Variants in IFFO2 observed in about 807,000 individuals in gnomAD.
IFFO2 encodes intermediate filament family orphan 2.
A neutral mutation model predicts 53.5 loss-of-function variants in IFFO2; 19 were observed. The ratio of observed to expected loss-of-function variants is 0.36; its 90% CI spans 0.25 to 0.52. IFFO2 has a LOEUF of 0.52. Ranked by LOEUF, IFFO2 falls within the 20% of genes least tolerant of loss-of-function variation. IFFO2 has a pLI of 0.94. For synonymous variants in IFFO2, 303 were observed against 313.6 expected (o/e 0.97, Z 0.36); for missense variants, 570 against 727.4 (o/e 0.78, Z 2.49).
At position 18,918,522 on chromosome 1, in the gene IFFO2, G is replaced by T. The variant is rs959525265; in HGVS notation, c.823-20C>A. ...CATGGGCTGCAGGGAGGACAGCAGGGTTTACATGAGCGAGGGATGGAGCAA... is the reference window on the plus strand; with the variant it reads ...CATGGGCTGCAGGGAGGACAGCAGGTTTTACATGAGCGAGGGATGGAGCAA... On this transcript the variant is annotated intron_variant, in intron 3 of 8. Transcript: ENST00000455833. This position sits in a 1 kb window ranked among gnomAD's most constrained non-coding sequence, Gnocchi z 5.2. The T allele has an allele frequency of 6.4e-7, 1 of 1,551,310 alleles. No individual in the cohort carries two copies. The highest frequency in any genetic ancestry group is 8.7e-7 in the Non-Finnish European group (1 of 1,146,516).
chr1:18,940,107 C>G (rs1385310004), intron 1 of IFFO2, among the ~76,000 whole-genome samples: 1 of 152,180 alleles, frequency 6.6e-6, no homozygotes, highest in African/African-American at 2.4e-5. Flanking sequence ...CAAGCTTGGC[C>G]CCAGTCTGGG....
intron 1 of IFFO2, among the ~76,000 whole-genome samples, chr1:18,937,052 A>G (rs941547588): frequency 6.6e-6 from 1 of 151,726 alleles, no homozygotes. Context: ...CAGAGGTGGG[A>G]GGTGATATGT....
intron 1 of IFFO2, among the ~76,000 whole-genome samples, chr1:18,926,053 A>G (rs71512943): frequency 3.2e-3 from 36 of 11,376 alleles, no homozygotes; most frequent in Non-Finnish European, 4.5e-3. Flanking sequence ...GGATGGATGG[A>G]TTGGTTGGAT....
chr1:18,926,102 ATTGGTTG>A (rs1936292103), intron 1 of IFFO2, among the ~76,000 whole-genome samples: 4 of 44,062 alleles, frequency 9.1e-5, no homozygotes, highest in African/African-American at 4.3e-4. Flanking sequence ...GGATGGATGG[ATTGGTTG>A]GATGGATAGA....
Position 18,916,610 on chromosome 1 carries a change from T to A in IFFO2, c.1103+293A>T, listed in dbSNP as rs1358909195. On this transcript the variant is annotated intron_variant, in intron 5 of 8. Coordinates refer to ENST00000455833, the MANE Select transcript of IFFO2 (RefSeq NM_001136265.2). The surrounding 1 kb of genome is among the most constrained non-coding windows in gnomAD (Gnocchi z 4.3). ...GTGAGACCCTGTCTCTACAAAAAAATTTAAAAATTAGCTGGGCATGGTGGC... is the reference window on the plus strand; with the variant it reads ...GTGAGACCCTGTCTCTACAAAAAAAATTAAAAATTAGCTGGGCATGGTGGC... Among the ~76,000 whole-genome samples, 2 of 151,830 alleles carry A rather than the reference T, an allele frequency of 1.3e-5. No homozygotes were observed. Among genetic ancestry groups the A allele is most frequent in the Non-Finnish European group, 2.9e-5 (2 of 67,952 alleles).
At position 18,919,664 on chromosome 1, in the gene IFFO2, C is replaced by T. The variant is rs942783618; in HGVS notation, c.822+14G>A. The T allele has an allele frequency of 3.2e-6, 5 of 1,539,342 alleles. No individual in the cohort carries two copies. The highest frequency in any genetic ancestry group is 2.7e-5 in the African/African-American group (2 of 72,744). Reference sequence around the variant, plus strand: ...GGGAGGTCATGACACCCAGGGGCGGCGGGCGGCACTTACGTCACTCATAAG... The same window carrying T: ...GGGAGGTCATGACACCCAGGGGCGGTGGGCGGCACTTACGTCACTCATAAG... On this transcript the variant is annotated intron_variant, in intron 3 of 8. Coordinates refer to ENST00000455833, the MANE Select transcript of IFFO2 (RefSeq NM_001136265.2). This position sits in a 1 kb window ranked among gnomAD's most constrained non-coding sequence, Gnocchi z 4.9.
At position 18,916,421 on chromosome 1, in the gene IFFO2, G is replaced by A. The variant is rs994010282; in HGVS notation, c.1103+482C>T. 2.6e-5 allele frequency among the ~76,000 whole-genome samples: 4 copies of A among 152,146 alleles called. No homozygotes were observed. Among genetic ancestry groups the A allele is most frequent in the Non-Finnish European group, 4.4e-5 (3 of 68,038 alleles). On this transcript the variant is annotated intron_variant, in intron 5 of 8. Transcript: ENST00000455833. This position sits in a 1 kb window ranked among gnomAD's most constrained non-coding sequence, Gnocchi z 4.3. The stretch of plus-strand genomic sequence containing the variant: ...AGGCTCAGCAATGCCTGACCTCCTC[G>A]AGCTTCCAAGAGAGGCTGAACATAT...
At chr1:18,940,690 T>TC (rs907896689) in intron 1 of IFFO2, among the ~76,000 whole-genome samples, 15 of 152,080 alleles carry the variant, frequency 9.9e-5, no homozygotes, top group Non-Finnish European at 2.2e-4. Flanking sequence ...GTCCTAGGTG[T>TC]CCCCTGGGAT....
At position 18,955,960 on chromosome 1, in the gene IFFO2, G is replaced by T; in HGVS notation, c.373C>A (p.Leu125Ile). ...RPPAPGGGHG[L>I]SSGAAAGANA... ...GCGCCGGCCGCCGCGCCACTGCTGAGGCCGTGCCCGCCGCCGGGCGCCGGG... is the reference window on the plus strand; with the variant it reads ...GCGCCGGCCGCCGCGCCACTGCTGATGCCGTGCCCGCCGCCGGGCGCCGGG... Residue 125 changes from leucine (L) to isoleucine (I), a missense_variant, in exon 1 of 9, where the codon CTC (leucine) becomes ATC (isoleucine). By Grantham distance (5) the Leu-to-Ile change is conservative. Coordinates refer to ENST00000455833, the MANE Select transcript of IFFO2 (RefSeq NM_001136265.2). The T allele has an allele frequency of 1.5e-6, 2 of 1,319,844 alleles. No individual in the cohort carries two copies. The highest frequency in any genetic ancestry group is 1.9e-6 in the Non-Finnish European group (2 of 1,030,786). 81.8% of individuals were successfully genotyped at this position (1,319,844 alleles called of 1,614,324 possible).
Position 18,936,963 on chromosome 1 carries a change from A to AG in IFFO2, c.666-15843_666-15842insC, listed in dbSNP as rs897245594. Among the ~76,000 whole-genome samples the AG allele has an allele frequency of 6.6e-6, 1 of 151,756 alleles. No homozygotes were observed. The highest frequency in any genetic ancestry group is 2.4e-5 in the African/African-American group (1 of 41,292). On this transcript the variant is annotated intron_variant, in intron 1 of 8. Coordinates refer to ENST00000455833, the MANE Select transcript of IFFO2 (RefSeq NM_001136265.2). This position sits in a 1 kb window ranked among gnomAD's most constrained non-coding sequence, Gnocchi z 4.5. ...ACTGGCTGCAGGTGGGGCAAAAAAA[A>AG]AAAAAAAGCACAGAACACAGGATCC...
intron 1 of IFFO2, among the ~76,000 whole-genome samples, chr1:18,938,384 A>C (rs1198584425): frequency 6.6e-6 from 1 of 152,214 alleles, no homozygotes; most frequent in Admixed American, 6.5e-5. Context: ...TACAGCGTCC[A>C]GGGCCCCGGG....
In IFFO2 at chr1:18,919,842, T is replaced by A; in HGVS notation, c.727-69A>T. 9.0e-7 allele frequency: 1 copy of A among 1,116,624 alleles called. No homozygotes were observed. 69.2% of individuals were successfully genotyped at this position (1,116,624 alleles called of 1,614,324 possible). A position where few individuals can be genotyped will look rare whatever the true frequency, so the allele number is the denominator to read the frequency against. ...CTGGGGATAGGAGGGTCTGGACACC[T>A]GAGTCCAGAGCCCTAGGCACCCGAT... On this transcript the variant is annotated intron_variant, in intron 2 of 8. Coordinates refer to ENST00000455833, the MANE Select transcript of IFFO2 (RefSeq NM_001136265.2). The surrounding 1 kb of genome is among the most constrained non-coding windows in gnomAD (Gnocchi z 4.9).
intron 1 of IFFO2, among the ~76,000 whole-genome samples, chr1:18,927,538 G>A (rs112561653): frequency 1.4e-4 from 22 of 152,176 alleles, no homozygotes; most frequent in African/African-American, 4.6e-4. Flanking sequence ...GCTGGAGCCC[G>A]GCTGCTCAAA....
rs1936608942 is a variant in IFFO2, at chr1:18,947,759, T to C, written c.665+7909A>G. Among the ~76,000 whole-genome samples the C allele has an allele frequency of 6.6e-6, 1 of 152,232 alleles. No homozygotes were observed. The highest frequency in any genetic ancestry group is 1.5e-5 in the Non-Finnish European group (1 of 68,046). ...CTCATCTGCCTGCTACTGCCAGTGA[T>C]TCATTTGCTTCTCAAGAAATAATTT... On this transcript the variant is annotated intron_variant, in intron 1 of 8. Transcript: ENST00000455833. The surrounding 1 kb of genome is among the most constrained non-coding windows in gnomAD (Gnocchi z 5.0).
At position 18,918,208 on chromosome 1, in the gene IFFO2, T is replaced by TG. The variant is rs1936163387; in HGVS notation, c.963+153dup. 6.6e-6 allele frequency among the ~76,000 whole-genome samples: 1 copy of TG among 151,846 alleles called. No individual in the cohort carries two copies. On this transcript the variant is annotated intron_variant, in intron 4 of 8. Coordinates refer to ENST00000455833, the MANE Select transcript of IFFO2 (RefSeq NM_001136265.2). The surrounding 1 kb of genome is among the most constrained non-coding windows in gnomAD (Gnocchi z 5.2). ...ACGGGTGCCTGATTCTACGTTTTCC[T>TG]GGGGAGGCCACAGGGTCAGGTAGTG...
chr1:18,919,974 G>T lies in IFFO2; in HGVS notation c.727-201C>A, dbSNP rs759180027. On this transcript the variant is annotated intron_variant, in intron 2 of 8. Transcript: ENST00000455833. This position sits in a 1 kb window ranked among gnomAD's most constrained non-coding sequence, Gnocchi z 4.9. ...GACTGCTTAAAACACTTTTCAAAGC[G>T]TTATCTATTACGTGGGAAAATCCAT... 4.6e-5 allele frequency among the ~76,000 whole-genome samples: 7 copies of T among 152,234 alleles called. No homozygotes were observed. Among genetic ancestry groups the T allele is most frequent in the Non-Finnish European group, 1.0e-4 (7 of 68,040 alleles).
chr1:18,932,029 G>A (rs949559208), intron 1 of IFFO2, among the ~76,000 whole-genome samples: 3 of 152,206 alleles, frequency 2.0e-5, no homozygotes, highest in Non-Finnish European at 4.4e-5. Flanking sequence ...CACTGCCAAG[G>A]CAACGAGCTG....
rs1936019443 is a variant in IFFO2 at position 18,910,422 on chromosome 1, G to A, written c.1368C>T (p.Tyr456=). 2 of 1,614,042 alleles carry A rather than the reference G, an allele frequency of 1.2e-6. No homozygotes were observed. The highest frequency in any genetic ancestry group is 8.5e-7 in the Non-Finnish European group (1 of 1,179,944). The change falls in exon 8 of 9, where the codon TAC becomes TAT. Residue 456 remains tyrosine (Y), a synonymous_variant. Coordinates refer to ENST00000455833, the MANE Select transcript of IFFO2 (RefSeq NM_001136265.2). The part of the protein sequence containing the change: ...KSDMNRHLHE[Y]MEMCSMKRGL... ...CTCGCTTCATGCTGCACATCTCCATGTACTCGTGCAGGTGTCGGTTCATGT... is the reference window on the plus strand; with the variant it reads ...CTCGCTTCATGCTGCACATCTCCATATACTCGTGCAGGTGTCGGTTCATGT...
intron 1 of IFFO2, among the ~76,000 whole-genome samples, chr1:18,925,846 G>T: frequency 1.5e-5 from 1 of 64,558 alleles, no homozygotes; most frequent in African/African-American, 6.0e-5. Flanking sequence ...ATGGATGGAT[G>T]GATGGATTGG....
Sources: allele counts gnomAD v4.1 joint callset (sites outside exome capture counted in the v4.1 genomes callset), GRCh38; gene constraint gnomAD v4.1.1; non-coding constraint Gnocchi (gnomAD v3.1); transcripts MANE v1.5; gene names NCBI Gene and HGNC (gene_info 2026-07-23, HGNC 2026-07-21).